Variants in CNIH3 observed in about 807,000 individuals in gnomAD.
CNIH3 encodes protein cornichon homolog 3.
CNIH3 carries 14 observed loss-of-function variants against 24.1 expected under a neutral mutation model. That is an observed-to-expected ratio of 0.58 (90% CI 0.38 to 0.91). CNIH3 has a LOEUF of 0.91. CNIH3 is among the 40% of genes least tolerant of loss of function. CNIH3 has a pLI of 0.00. For missense variants in CNIH3, 178 were observed against 196.8 expected, an observed-to-expected ratio of 0.90 and a Z score of 0.57; for synonymous variants, 68 against 73.8, an observed-to-expected ratio of 0.92 and a Z score of 0.40.
Position 224,703,019 on chromosome 1 carries a change from G to T in CNIH3, c.198+18176G>T, listed in dbSNP as rs1687586130. Among the ~76,000 whole-genome samples, 1 of 152,152 alleles carries T rather than the reference G, an allele frequency of 6.6e-6. No individual in the cohort carries two copies. The highest frequency in any genetic ancestry group is 2.1e-4 in the South Asian group (1 of 4,824). On this transcript the variant is annotated intron_variant, in intron 3 of 5. Transcript: ENST00000272133. The surrounding 1 kb of genome is among the most constrained non-coding windows in gnomAD (Gnocchi z 4.2). The stretch of plus-strand genomic sequence containing the variant: ...CATCATTGAATTGGAAACTCAGGAG[G>T]TGAGGTTAGGGCCTCAGCATTTTAT...
intron 3 of CNIH3, among the ~76,000 whole-genome samples, chr1:224,555,958 C>T (rs544015022): frequency 3.3e-5 from 5 of 152,280 alleles, no homozygotes; most frequent in Admixed American, 6.5e-5. Flanking sequence ...ACCTTCCTGC[C>T]GCAGCCGGCT....
At chr1:224,537,814 A>G (rs1368127431), downstream of CNIH3, among the ~76,000 whole-genome samples, 1 of 152,236 alleles carries the variant, frequency 6.6e-6, no homozygotes, top group Non-Finnish European at 1.5e-5. Flanking sequence ...CGCTGGATTA[A>G]TTTCAGCTTA....
chr1:224,727,987 C>T (rs1689122732), intron 3 of CNIH3, among the ~76,000 whole-genome samples: 1 of 152,112 alleles, frequency 6.6e-6, no homozygotes, highest in Admixed American at 6.5e-5. Context: ...TGAATCCTCC[C>T]TGCTTGGAAG....
intron 1 of CNIH3, among the ~76,000 whole-genome samples, chr1:224,505,008 C>CCCTG: frequency 1.4e-5 from 1 of 73,022 alleles, no homozygotes; most frequent in Non-Finnish European, 2.8e-5. Flanking sequence ...CTCCCTCCCT[C>CCCTG]CCTCCCTCCC....
intron 1 of CNIH3, among the ~76,000 whole-genome samples, chr1:224,667,393 G>A (rs908441917): frequency 6.6e-6 from 1 of 152,108 alleles, no homozygotes; most frequent in Non-Finnish European, 1.5e-5. Context: ...GATGAGAGAA[G>A]GTGTTTAAAA....
intron 1 of CNIH3, among the ~76,000 whole-genome samples, chr1:224,447,322 G>C (rs1048758141): frequency 3.3e-5 from 5 of 152,196 alleles, no homozygotes; most frequent in African/African-American, 7.2e-5. Context: ...CAAGGCCAGA[G>C]AGCCGGGAGT....
intron 1 of CNIH3, among the ~76,000 whole-genome samples, chr1:224,474,342 CAGCAAG>C (rs1002819801): frequency 2.8e-5 from 4 of 142,292 alleles, no homozygotes; most frequent in African/African-American, 1.1e-4. Flanking sequence ...ACAGCCTGGG[CAGCAAG>C]AGCAAAACTT....
rs1053748185 is a variant in CNIH3 at position 224,451,248 on chromosome 1, C to T, written n.203+16386C>T. Reference sequence around the variant, plus strand: ...AACTTGTCAAGCAAGAGCCGTGGCTCGGGGCAGCCTCTTGGTCAGCTTTGT... The same window carrying T: ...AACTTGTCAAGCAAGAGCCGTGGCTTGGGGCAGCCTCTTGGTCAGCTTTGT... On this transcript the variant is annotated intron_variant and non_coding_transcript_variant, in intron 1 of 5. Coordinates refer to the CNIH3 transcript ENST00000471578. Among the ~76,000 whole-genome samples the T allele has an allele frequency of 1.1e-4, 16 of 152,316 alleles. No individual in the cohort carries two copies. In the South Asian group the frequency reaches 2.9e-3, roughly 28 times the overall value.
chr1:224,534,658 T>C (rs1679211611), intron 2 of CNIH3, among the ~76,000 whole-genome samples: 1 of 152,142 alleles, frequency 6.6e-6, no homozygotes, highest in Non-Finnish European at 1.5e-5. Flanking sequence ...AAAAAATCAG[T>C]GGTGAGACTA....
chr1:224,499,884 C>G (rs1289896300), intron 1 of CNIH3, among the ~76,000 whole-genome samples: 2 of 144,644 alleles, frequency 1.4e-5, no homozygotes, highest in Non-Finnish European at 3.0e-5. Context: ...GGCAACATAG[C>G]GACATCCTAT....
At chr1:224,502,489 G>A (rs759562812) in intron 1 of CNIH3, among the ~76,000 whole-genome samples, 3 of 152,218 alleles carry the variant, frequency 2.0e-5, no homozygotes, top group Non-Finnish European at 4.4e-5. Flanking sequence ...CACTTTGCCT[G>A]TTTCCAGAGC....
intron 1 of CNIH3, among the ~76,000 whole-genome samples, chr1:224,488,014 T>C (rs1032028712): frequency 1.3e-5 from 2 of 152,304 alleles, no homozygotes; most frequent in South Asian, 4.1e-4. Flanking sequence ...CCATTCCTGG[T>C]GCTTTACACA....
At chr1:224,712,068 C>T (rs565149210) in intron 3 of CNIH3, among the ~76,000 whole-genome samples, 14 of 152,226 alleles carry the variant, frequency 9.2e-5, no homozygotes, top group African/African-American at 2.4e-4. Flanking sequence ...CCGGGCCAGC[C>T]GGGAACCTCC....
At chr1:224,436,098 A>C (rs181800989) in intron 1 of CNIH3, among the ~76,000 whole-genome samples, 24 of 152,326 alleles carry the variant, frequency 1.6e-4, no homozygotes, top group Admixed American at 3.9e-4. Flanking sequence ...AAGTAAGAGG[A>C]AGGTCAATGC....
rs901900778 is a variant in CNIH3, at chr1:224,574,315, A to G, written n.516+8051A>G. On this transcript the variant is annotated intron_variant and non_coding_transcript_variant, in intron 4 of 5. Transcript: ENST00000471578. ...AAGTGGCTCCACTGTCACAGTAAGTATTTCATTGTTGATTAGACCAGGCAT... is the reference window on the plus strand; with the variant it reads ...AAGTGGCTCCACTGTCACAGTAAGTGTTTCATTGTTGATTAGACCAGGCAT... The G allele has an allele frequency of 8.1e-5, 20 of 247,972 alleles. No homozygotes were observed. The South Asian group carries it at 1.3e-3, about 17-fold the overall frequency. 15.4% of individuals were successfully genotyped at this position (247,972 alleles called of 1,614,324 possible).
chr1:224,641,118 C>T (rs989851957), intron 1 of CNIH3, among the ~76,000 whole-genome samples: 3 of 152,198 alleles, frequency 2.0e-5, no homozygotes, highest in African/African-American at 4.8e-5. Flanking sequence ...TTGGAGTCTT[C>T]GGCATGGTAG....
intron 1 of CNIH3, among the ~76,000 whole-genome samples, chr1:224,627,739 G>A (rs1191115699): frequency 6.6e-6 from 1 of 152,172 alleles, no homozygotes; most frequent in African/African-American, 2.4e-5. Context: ...GGACCCACGA[G>A]TCAGTCTGAT....
chr1:224,540,460 T>G (rs73133326), downstream of CNIH3, among the ~76,000 whole-genome samples: 7,093 of 152,248 alleles, frequency 0.047, 564 homozygotes, highest in African/African-American at 0.16. Flanking sequence ...GTCAACAAGT[T>G]AAAAGTTTCA....
At chr1:224,722,098 G>A (rs1222071594) in intron 3 of CNIH3, among the ~76,000 whole-genome samples, 1 of 152,118 alleles carries the variant, frequency 6.6e-6, no homozygotes, top group Non-Finnish European at 1.5e-5. Context: ...CTCATGATGT[G>A]GGAGAAGACC....
Sources: allele counts gnomAD v4.1 joint callset (sites outside exome capture counted in the v4.1 genomes callset), GRCh38; gene constraint gnomAD v4.1.1; non-coding constraint Gnocchi (gnomAD v3.1); transcripts MANE v1.5; gene names NCBI Gene and HGNC (gene_info 2026-07-23, HGNC 2026-07-21).